The following NTM variants were observed in gnomAD, a reference collection of about 807,000 sequenced individuals.
NTM encodes neurotrimin, also known as IgLON family member 2.
A neutral mutation model predicts 42.1 loss-of-function variants in NTM; 13 were observed. That is an observed-to-expected ratio of 0.31 (90% CI 0.20 to 0.49). The LOEUF is 0.49. Ranked by LOEUF, NTM falls within the 20% of genes least tolerant of loss-of-function variation. NTM has a pLI of 0.99. For synonymous variants in NTM, 187 were observed against 179.2 expected (o/e 1.04, Z -0.35); for missense variants, 373 against 452.8 (o/e 0.82, Z 1.60).
intron 1 of NTM, among the ~76,000 whole-genome samples, chr11:131,742,777 T>C (rs922830698): frequency 6.6e-6 from 1 of 152,172 alleles, no homozygotes; most frequent in South Asian, 2.1e-4. Context: ...GAAAGCATAA[T>C]GCATTTAAGA....
intron 1 of NTM, among the ~76,000 whole-genome samples, chr11:131,379,178 A>G (rs1942341652): frequency 6.6e-6 from 1 of 152,204 alleles, no homozygotes; most frequent in Non-Finnish European, 1.5e-5. Flanking sequence ...GGAGGCTCAG[A>G]GGGACTTTCA....
intron 1 of NTM, among the ~76,000 whole-genome samples, chr11:131,414,368 C>A (rs572726707): frequency 6.6e-6 from 1 of 152,292 alleles, no homozygotes; most frequent in Non-Finnish European, 1.5e-5. Context: ...CTGCCCATTG[C>A]TGAGCTTACA....
chr11:131,566,511 G>A (rs1283728384), intron 1 of NTM, among the ~76,000 whole-genome samples: 1 of 151,972 alleles, frequency 6.6e-6, no homozygotes, highest in African/African-American at 2.4e-5. Context: ...CCAAACTGCT[G>A]CTCGACTCAT....
At position 131,851,809 on chromosome 11, in the gene NTM, T is replaced by C. The variant is rs574175808; in HGVS notation, c.83-59755T>C. On this transcript the variant is annotated intron_variant, in intron 1 of 8. Coordinates refer to ENST00000683400, the MANE Select transcript of NTM (RefSeq NM_001352005.2). The stretch of plus-strand genomic sequence containing the variant: ...GATGGACCAAAGCATGGCCCATAGA[T>C]TATCTAACACTTTAGTAAAATAGGA... Among the ~76,000 whole-genome samples the C allele has an allele frequency of 5.3e-5, 8 of 152,084 alleles. No individual in the cohort carries two copies. In the South Asian group the frequency reaches 1.5e-3, roughly 28 times the overall value.
intron 2 of NTM, among the ~76,000 whole-genome samples, chr11:132,004,771 A>C (rs2070382628): frequency 6.6e-6 from 1 of 152,024 alleles, no homozygotes; most frequent in African/African-American, 2.4e-5. Flanking sequence ...TACCTAGGGG[A>C]TTGATTCAGC....
At chr11:132,023,034 T>C (rs540680636) in intron 2 of NTM, among the ~76,000 whole-genome samples, 2 of 150,374 alleles carry the variant, frequency 1.3e-5, no homozygotes, top group African/African-American at 4.9e-5. Flanking sequence ...GTGAAGCTCA[T>C]GGGAAGATGT....
At chr11:132,314,033 T>TATCTA (rs1484879380) in intron 6 of NTM, among the ~76,000 whole-genome samples, 7 of 152,270 alleles carry the variant, frequency 4.6e-5, no homozygotes, top group East Asian at 1.9e-4. Flanking sequence ...AATTAAGTAT[T>TATCTA]ATCTATACAA....
chr11:131,846,666 G>T (rs138361488), intron 1 of NTM, among the ~76,000 whole-genome samples: 69 of 152,066 alleles, frequency 4.5e-4, no homozygotes, highest in African/African-American at 1.6e-3. Context: ...TACTTGCTCT[G>T]TAGTCTAAAT....
At chr11:132,105,674 A>C (rs570486032) in intron 2 of NTM, among the ~76,000 whole-genome samples, 2 of 152,230 alleles carry the variant, frequency 1.3e-5, no homozygotes, top group East Asian at 3.9e-4. Context: ...ATTGTCCTTA[A>C]TTGTCATGAG....
intron 1 of NTM, among the ~76,000 whole-genome samples, chr11:131,491,138 C>T (rs1954737772): frequency 6.6e-6 from 1 of 152,154 alleles, no homozygotes. Context: ...TCAAGACCAA[C>T]ATCCTAAGAA....
At chr11:132,060,004 C>T (rs1282536670) in intron 2 of NTM, among the ~76,000 whole-genome samples, 2 of 152,142 alleles carry the variant, frequency 1.3e-5, no homozygotes, top group African/African-American at 4.8e-5. Context: ...ATACCTGTAG[C>T]TCTCCAGGAT....
At chr11:131,967,913 A>G (rs1241288294) in intron 2 of NTM, among the ~76,000 whole-genome samples, 1 of 152,192 alleles carries the variant, frequency 6.6e-6, no homozygotes, top group African/African-American at 2.4e-5. Flanking sequence ...TTTTGAGACA[A>G]ACAGATCTGA....
intron 1 of NTM, among the ~76,000 whole-genome samples, chr11:131,442,327 A>G (rs1246311151): frequency 6.6e-6 from 1 of 152,190 alleles, no homozygotes; most frequent in Non-Finnish European, 1.5e-5. Context: ...CACTGTCTTC[A>G]TCATCCTCCT....
intron 7 of NTM, among the ~76,000 whole-genome samples, chr11:132,317,333 C>T (rs1403683234): frequency 6.6e-6 from 1 of 150,568 alleles, no homozygotes; most frequent in Non-Finnish European, 1.5e-5. Flanking sequence ...TGGAAGGAAA[C>T]TTTAGTCCTT....
chr11:131,563,905 C>T (rs530469863), intron 1 of NTM, among the ~76,000 whole-genome samples: 49 of 152,084 alleles, frequency 3.2e-4, no homozygotes, highest in Non-Finnish European at 4.7e-4. Flanking sequence ...ACCGTTCCTT[C>T]GCTGTTTTTA....
chr11:131,657,163 A>AAG (rs2067304690), intron 1 of NTM, among the ~76,000 whole-genome samples: 2 of 150,786 alleles, frequency 1.3e-5, no homozygotes, highest in Middle Eastern at 3.4e-3. Flanking sequence ...AAAAAAAAAA[A>AAG]TCATCGAAAT....
At chr11:131,819,979 A>C (rs1284170013) in intron 1 of NTM, among the ~76,000 whole-genome samples, 5 of 152,196 alleles carry the variant, frequency 3.3e-5, no homozygotes, top group African/African-American at 1.2e-4. Context: ...ACAGGGTGTT[A>C]TTAGGGCCTT....
chr11:131,990,679 A>G (rs1409458584), intron 2 of NTM, among the ~76,000 whole-genome samples: 2 of 152,178 alleles, frequency 1.3e-5, no homozygotes, highest in African/African-American at 2.4e-5. Flanking sequence ...GAAGAAAAAC[A>G]TAATTCACCT....
At chr11:132,179,566 A>G (rs2077269637) in intron 3 of NTM, among the ~76,000 whole-genome samples, 1 of 152,198 alleles carries the variant, frequency 6.6e-6, no homozygotes, top group Admixed American at 6.5e-5. Flanking sequence ...CTGTGAAATG[A>G]AAGAGAGTAC....
Sources: allele counts gnomAD v4.1 joint callset (sites outside exome capture counted in the v4.1 genomes callset), GRCh38; gene constraint gnomAD v4.1.1; transcripts MANE v1.5; gene names NCBI Gene and HGNC (gene_info 2026-07-23, HGNC 2026-07-21).